FRMD4A: variants seen among roughly 807,000 people sequenced by gnomAD.
FRMD4A encodes FERM domain containing 4A.
Under a neutral mutation model 129.1 loss-of-function variants are expected in FRMD4A, and 29 were observed. That is an observed-to-expected ratio of 0.22 (90% CI 0.17 to 0.31). The LOEUF is 0.31. Ranked by LOEUF, FRMD4A falls within the 10% of genes least tolerant of loss-of-function variation. FRMD4A has a pLI of 1.00. For missense variants in FRMD4A, 1,272 were observed against 1,375.8 expected, an observed-to-expected ratio of 0.92 and a Z score of 1.19; for synonymous variants, 634 against 571.6, an observed-to-expected ratio of 1.11 and a Z score of -1.56.
chr10:14,206,309 A>G (rs1842779751), intron 2 of FRMD4A, among the ~76,000 whole-genome samples: 1 of 152,194 alleles, frequency 6.6e-6, no homozygotes, highest in African/African-American at 2.4e-5. Context: ...GGGAAAAACT[A>G]ATTAAAAGAA....
intron 2 of FRMD4A, among the ~76,000 whole-genome samples, chr10:13,979,364 C>T (rs970458293): frequency 2.0e-5 from 3 of 152,086 alleles, no homozygotes; most frequent in South Asian, 2.1e-4. Context: ...ACTTCCTTTT[C>T]GCAGAGGACG....
intron 2 of FRMD4A, among the ~76,000 whole-genome samples, chr10:14,025,061 A>C (rs1832926301): frequency 6.6e-6 from 1 of 152,262 alleles, no homozygotes; most frequent in South Asian, 2.1e-4. Flanking sequence ...AAAAGCACAT[A>C]GTCTTGTGAA....
chr10:13,661,732 A>G lies in FRMD4A; in HGVS notation c.1661-1179T>C, dbSNP rs116392596. On this transcript the variant is annotated intron_variant, in intron 19 of 24. Transcript: ENST00000357447. ...GCTAGGGCAGGTCAGCATTGAGAAG[A>G]GAGAGGAGGGAACGATTCAGGCTTC... Among the ~76,000 whole-genome samples the G allele has an allele frequency of 3.1e-3, 468 of 152,242 alleles. 6 individuals are homozygous for G. The highest frequency in any genetic ancestry group is 0.011 in the African/African-American group (449 of 41,546).
intron 6 of FRMD4A, among the ~76,000 whole-genome samples, chr10:13,767,112 A>G (rs1216307379): frequency 2.6e-5 from 4 of 152,058 alleles, no homozygotes; most frequent in Non-Finnish European, 5.9e-5. Flanking sequence ...CCTGAAAGCC[A>G]AGTTCCACAC....
chr10:13,954,013 C>G (rs2095392002), intron 2 of FRMD4A, among the ~76,000 whole-genome samples: 1 of 152,324 alleles, frequency 6.6e-6, no homozygotes, highest in Non-Finnish European at 1.5e-5. Context: ...GTACTTATCC[C>G]TTCTCTACAA....
In FRMD4A at chr10:14,046,882, T is replaced by C. The variant is rs889447175; in HGVS notation, c.46-187970A>G. 3.9e-5 allele frequency among the ~76,000 whole-genome samples: 6 copies of C among 152,140 alleles called. No individual in the cohort carries two copies. In the South Asian group the frequency reaches 1.2e-3, roughly 31 times the overall value. ...CCCATCCAGTGCTAACTCCCACCAT[T>C]GTGAGGCATGGGAGTCGCTGGTCCC... On this transcript the variant is annotated intron_variant, in intron 2 of 24. Coordinates refer to ENST00000357447, the MANE Select transcript of FRMD4A (RefSeq NM_018027.5).
chr10:14,108,094 G>C (rs939324456), intron 2 of FRMD4A, among the ~76,000 whole-genome samples: 1 of 151,928 alleles, frequency 6.6e-6, no homozygotes, highest in Admixed American at 6.6e-5. Context: ...CATTCTTCAC[G>C]GTCTCTCCAA....
chr10:13,788,437 T>A (rs1203352880), intron 5 of FRMD4A, among the ~76,000 whole-genome samples: 1 of 152,214 alleles, frequency 6.6e-6, no homozygotes, highest in Non-Finnish European at 1.5e-5. Flanking sequence ...GGCTCCCCAA[T>A]GCCTCCCACA....
intron 2 of FRMD4A, among the ~76,000 whole-genome samples, chr10:14,208,017 T>C (rs574207992): frequency 1.8e-4 from 28 of 152,132 alleles, no homozygotes; most frequent in African/African-American, 6.5e-4. Flanking sequence ...GGCAACACAG[T>C]GAGACTTCAT....
chr10:13,819,076 C>T (rs931993529), intron 3 of FRMD4A, among the ~76,000 whole-genome samples: 19 of 151,966 alleles, frequency 1.3e-4, no homozygotes, highest in Non-Finnish European at 1.5e-5. Context: ...TGCAGTGAGC[C>T]GAGATCGCAC....
chr10:14,111,810 CA>C lies in FRMD4A; in HGVS notation c.45+218247del, dbSNP rs532086849. 5.8e-3 allele frequency among the ~76,000 whole-genome samples: 875 copies of C among 151,504 alleles called. 4 individuals carry two copies. The highest frequency in any genetic ancestry group is 0.016 in the South Asian group (75 of 4,770). Reference sequence around the variant, plus strand: ...TTATGACTAACTGACAAACTAATGACAAAAAATTAAGTGGTGTGTGCTGTGG... The same window carrying C: ...TTATGACTAACTGACAAACTAATGACAAAAATTAAGTGGTGTGTGCTGTGG... On this transcript the variant is annotated intron_variant, in intron 2 of 24. Transcript: ENST00000357447.
At chr10:14,192,478 G>A (rs1020747398) in intron 2 of FRMD4A, among the ~76,000 whole-genome samples, 1 of 152,244 alleles carries the variant, frequency 6.6e-6, no homozygotes, top group African/African-American at 2.4e-5. Flanking sequence ...TTACAGTGGT[G>A]CACTGTTGTG....
intron 17 of FRMD4A, chr10:13,667,604 G>C (rs574518467): frequency 2.0e-5 from 3 of 152,374 alleles, no homozygotes; most frequent in African/African-American, 7.2e-5. Context: ...CTGAGGGATG[G>C]GGGGAGGTAG....
intron 2 of FRMD4A, among the ~76,000 whole-genome samples, chr10:14,141,929 C>A (rs908840958): frequency 6.6e-6 from 1 of 151,938 alleles, no homozygotes; most frequent in African/African-American, 2.4e-5. Flanking sequence ...CAATAAAGGT[C>A]GATAGCCTAA....
At chr10:13,930,799 CTG>C (rs1327086644) in intron 2 of FRMD4A, among the ~76,000 whole-genome samples, 1 of 152,078 alleles carries the variant, frequency 6.6e-6, no homozygotes, top group Admixed American at 6.5e-5. Context: ...CTAAATTATA[CTG>C]TTATTTAGAA....
At chr10:14,036,227 G>A (rs1475629740) in intron 2 of FRMD4A, among the ~76,000 whole-genome samples, 2 of 152,130 alleles carry the variant, frequency 1.3e-5, no homozygotes, top group Non-Finnish European at 2.9e-5. Flanking sequence ...ATCCTTGTAA[G>A]CCTCTGACTC....
chr10:14,151,332 G>GA (rs1365809221), intron 2 of FRMD4A, among the ~76,000 whole-genome samples: 1 of 152,148 alleles, frequency 6.6e-6, no homozygotes, highest in African/African-American at 2.4e-5. Context: ...ATGCAGACAT[G>GA]AAAAAATGAA....
chr10:13,656,814 T>G lies in FRMD4A; in HGVS notation c.2775A>C (p.Ser925=). 1 of 1,578,866 alleles carries G rather than the reference T, an allele frequency of 6.3e-7. No individual in the cohort carries two copies. Among genetic ancestry groups the G allele is most frequent in the South Asian group, 1.2e-5 (1 of 86,376 alleles). Residue 925 remains serine (S), a synonymous_variant, in exon 22 of 25, where the codon TCA becomes TCC. Transcript: ENST00000357447. ...GCTGGTACCACTGGCGCAGCTCGTC[T>G]GAGACGGCGGCACGGCCCGCGCCCT... is the stretch of plus-strand genomic sequence containing the variant. ...HDKGAGRAAV[S]DELRQWYQRS...
chr10:14,138,359 C>G (rs1839652795), intron 2 of FRMD4A, among the ~76,000 whole-genome samples: 1 of 152,156 alleles, frequency 6.6e-6, no homozygotes, highest in African/African-American at 2.4e-5. Flanking sequence ...AGATAATGAT[C>G]TATTTCTAGT....
Sources: allele counts gnomAD v4.1 joint callset (sites outside exome capture counted in the v4.1 genomes callset), GRCh38; gene constraint gnomAD v4.1.1; transcripts MANE v1.5; gene names NCBI Gene and HGNC (gene_info 2026-07-23, HGNC 2026-07-21).